Variants in XCR1 observed in about 807,000 individuals in gnomAD.
XCR1 encodes X-C motif chemokine receptor 1, also known as chemokine XC receptor 1.
For synonymous variants in XCR1, 187 were observed against 188.5 expected, an observed-to-expected ratio of 0.99 and a Z score of 0.06; for missense variants, 356 against 424.2, an observed-to-expected ratio of 0.84 and a Z score of 1.41.
intron 5 of XCR1, among the ~76,000 whole-genome samples, chr3:46,040,310 G>T (rs532275399): frequency 1.8e-4 from 27 of 152,200 alleles, no homozygotes; most frequent in African/African-American, 6.0e-4. Context: ...ATTAAGTGTT[G>T]TAAGCCTTTG....
chr3:46,065,456 TACA>T (rs767424468), intron 4 of XCR1, among the ~76,000 whole-genome samples: 7 of 152,234 alleles, frequency 4.6e-5, no homozygotes, highest in Admixed American at 1.3e-4. Context: ...CTGTCCACTC[TACA>T]ACAAGCTCCG....
At chr3:46,034,823 C>T (rs1175449207) in intron 5 of XCR1, among the ~76,000 whole-genome samples, 1 of 152,186 alleles carries the variant, frequency 6.6e-6, no homozygotes, top group Non-Finnish European at 1.5e-5. Context: ...ACCTGAGTTT[C>T]TTCCTCAGGA....
chr3:46,066,383 T>C lies in XCR1; in HGVS notation c.-183+516A>G, dbSNP rs575467513. 6.6e-5 allele frequency among the ~76,000 whole-genome samples: 10 copies of C among 152,350 alleles called. No individual in the cohort carries two copies. The South Asian group carries it at 1.5e-3, about 22-fold the overall frequency. On this transcript the variant is annotated intron_variant, in intron 4 of 5. Coordinates refer to the XCR1 transcript ENST00000683768. ...CTTCAGCCTTCTGAGTAGCTGAGACTACAGGCACGCACCACCACGCCCGGC... is the reference window on the plus strand; with the variant it reads ...CTTCAGCCTTCTGAGTAGCTGAGACCACAGGCACGCACCACCACGCCCGGC...
Position 46,021,254 on chromosome 3 carries a change from C to T in XCR1, c.694G>A (p.Val232Met). ...GGACCCCAGCTGAGGAAGTAGGCCA[C>T]CACGATGGCGAAGATGAGCTTGACC... ...RTVKLIFAIV[V>M]AYFLSWGPYN... is the part of the protein sequence containing the mutation. Residue 232 changes from valine to methionine, a missense_variant, in exon 2 of 2, where the codon GTG becomes ATG. Transcript: ENST00000309285. The surrounding 1 kb of genome is among the most constrained non-coding windows in gnomAD (Gnocchi z 4.7). 1 of 1,614,158 alleles carries T rather than the reference C, an allele frequency of 6.2e-7. No individual in the cohort carries two copies. The highest frequency in any genetic ancestry group is 8.5e-7 in the Non-Finnish European group (1 of 1,180,032).
intron 4 of XCR1, among the ~76,000 whole-genome samples, chr3:46,065,370 T>C (rs1698049223): frequency 6.6e-6 from 1 of 152,180 alleles, no homozygotes; most frequent in East Asian, 1.9e-4. Context: ...TTCTAGCAAC[T>C]TAACTTTGAT....
chr3:46,023,382 G>T, intron 1 of XCR1: 2 of 1,452,976 alleles, frequency 1.4e-6, no homozygotes, highest in Non-Finnish European at 1.9e-6. Context: ...AATACGAAGA[G>T]GCGATTTCTT....
chr3:46,076,526 G>A (rs1698262990), intron 2 of XCR1, among the ~76,000 whole-genome samples: 1 of 151,000 alleles, frequency 6.6e-6, no homozygotes, highest in Non-Finnish European at 1.5e-5. Flanking sequence ...ATGTGATGTT[G>A]GTCAATGATT....
At chr3:46,033,600 T>C in intron 5 of XCR1, among the ~76,000 whole-genome samples, 1 of 152,248 alleles carries the variant, frequency 6.6e-6, no homozygotes, top group East Asian at 1.9e-4. Context: ...AGTTTGGTAA[T>C]GCTAGGCCCC....
At position 46,021,604 on chromosome 3, in the gene XCR1, C is replaced by G. The variant is rs1387098532; in HGVS notation, c.344G>C (p.Ser115Thr). 1.2e-6 allele frequency: 2 copies of G among 1,612,946 alleles called. No individual in the cohort carries two copies. The highest frequency in any genetic ancestry group is 3.3e-5 in the Admixed American group (2 of 59,828). The change falls in exon 2 of 2, where the codon AGC becomes ACC. Residue 115 changes from serine (S) to threonine (T), a missense_variant. Coordinates refer to ENST00000309285, the MANE Select transcript of XCR1 (RefSeq NM_001024644.2). The surrounding 1 kb of genome is among the most constrained non-coding windows in gnomAD (Gnocchi z 4.7). The stretch of plus-strand genomic sequence containing the variant: ...CATGATGGTCAGGAAGAAGATGCTG[C>G]TGTAGAGGCTGATGGAGAAGATCAT... ...LNMIFSISLY[S>T]SIFFLTIMTI... is the part of the protein sequence containing the mutation.
chr3:46,076,194 A>G (rs890773134), intron 2 of XCR1, among the ~76,000 whole-genome samples: 54 of 152,174 alleles, frequency 3.5e-4, no homozygotes, highest in African/African-American at 1.3e-3. Context: ...TTGTATGCAA[A>G]ACAATTACTC....
chr3:46,076,991 A>G (rs1388770705), intron 1 of XCR1, among the ~76,000 whole-genome samples: 2 of 152,178 alleles, frequency 1.3e-5, no homozygotes, highest in African/African-American at 4.8e-5. Flanking sequence ...CAGCCCAGAA[A>G]GGCTTTGGAG....
At chr3:46,036,810 T>C (rs1697439227) in intron 5 of XCR1, among the ~76,000 whole-genome samples, 1 of 152,170 alleles carries the variant, frequency 6.6e-6, no homozygotes, top group African/African-American at 2.4e-5. Flanking sequence ...CTGGTGAAAA[T>C]GCCCTTGTAG....
rs1420969727 is a variant in XCR1, at chr3:46,017,167, T to G, written c.*3779A>C. 6.6e-6 allele frequency: 1 copy of G among 152,190 alleles called. No homozygotes were observed. Among genetic ancestry groups the G allele is most frequent in the African/African-American group, 2.4e-5 (1 of 41,444 alleles). 9.4% of individuals were successfully genotyped at this position (152,190 alleles called of 1,614,324 possible). A position where few individuals can be genotyped will look rare whatever the true frequency, so the allele number is the denominator to read the frequency against. On this transcript the variant is annotated 3_prime_UTR_variant, in exon 2 of 2. Coordinates refer to ENST00000309285, the MANE Select transcript of XCR1 (RefSeq NM_001024644.2). The stretch of plus-strand genomic sequence containing the variant: ...TGTGGATGAGTCTGTTATTGGCTTC[T>G]CTACAGTTTATAGGTGAGGAAACTG...
chr3:46,081,686 C>CT (rs890537434), intron 1 of XCR1, among the ~76,000 whole-genome samples: 1 of 138,464 alleles, frequency 7.2e-6, no homozygotes, highest in African/African-American at 3.1e-5. Flanking sequence ...TATTCCTTTT[C>CT]TTTTTTTCTT....
chr3:46,030,555 T>C (rs561810473), upstream of XCR1, among the ~76,000 whole-genome samples: 24 of 152,348 alleles, frequency 1.6e-4, no homozygotes, highest in Non-Finnish European at 2.6e-4. Flanking sequence ...ATACACGATA[T>C]GTATTTGAAT....
At chr3:46,054,030 T>A (rs1297734036) in exon 5 of XCR1, among the ~76,000 whole-genome samples, 1 of 152,124 alleles carries the variant, frequency 6.6e-6, no homozygotes, top group Non-Finnish European at 1.5e-5. Context: ...AAAGTCCCTT[T>A]TCTGGGGTGC....
intron 3 of XCR1, among the ~76,000 whole-genome samples, chr3:46,073,754 A>AAAAGTGGG (rs1166140457): frequency 3.9e-5 from 6 of 152,162 alleles, no homozygotes; most frequent in African/African-American, 1.2e-4. Flanking sequence ...AACCCCATTA[A>AAAAGTGGG]AAAGTGGGCA....
At chr3:46,030,046 G>T (rs867616524), upstream of XCR1, among the ~76,000 whole-genome samples, 3 of 144,126 alleles carry the variant, frequency 2.1e-5, no homozygotes, top group South Asian at 2.2e-4. Context: ...ATAGTTTTTT[G>T]TTTTTGTTTT....
At chr3:46,055,706 C>T (rs1449676387) in intron 4 of XCR1, among the ~76,000 whole-genome samples, 1 of 152,150 alleles carries the variant, frequency 6.6e-6, no homozygotes, top group Non-Finnish European at 1.5e-5. Context: ...GTTACAGTAC[C>T]TCAGAGGGTC....
Sources: allele counts gnomAD v4.1 joint callset (sites outside exome capture counted in the v4.1 genomes callset), GRCh38; gene constraint gnomAD v4.1.1; non-coding constraint Gnocchi (gnomAD v3.1); transcripts MANE v1.5; gene names NCBI Gene and HGNC (gene_info 2026-07-23, HGNC 2026-07-21).